EPSTI1: variants seen among roughly 807,000 people sequenced by gnomAD.
EPSTI1 encodes epithelial-stromal interaction protein 1.
A neutral mutation model predicts 49.9 loss-of-function variants in EPSTI1; 66 were observed. That is an observed-to-expected ratio of 1.32 (90% CI 1.08 to 1.62). The LOEUF (loss-of-function observed/expected upper bound fraction) is 1.62. Among genes scored for constraint, EPSTI1 ranks in the 40% most tolerant of loss-of-function variants. The pLI, the probability that EPSTI1 is intolerant of heterozygous loss-of-function variation, is 0.00. For synonymous variants in EPSTI1, 137 were observed against 130.7 expected, an observed-to-expected ratio of 1.05 and a Z score of -0.33; for missense variants, 394 against 365.5, an observed-to-expected ratio of 1.08 and a Z score of -0.64.
chr13:42,927,900 G>C (rs1176206465), intron 6 of EPSTI1, among the ~76,000 whole-genome samples: 1 of 152,206 alleles, frequency 6.6e-6, no homozygotes, highest in Non-Finnish European at 1.5e-5. Flanking sequence ...GTTTGGATGA[G>C]ATCTCTGAAT....
intron 1 of EPSTI1, among the ~76,000 whole-genome samples, chr13:42,984,415 G>C (rs956479599): frequency 1.3e-5 from 2 of 152,174 alleles, no homozygotes; most frequent in Non-Finnish European, 2.9e-5. Context: ...TAATAAGTTT[G>C]TTAAAACTTG....
At chr13:42,991,767 G>A (rs990320359) in intron 1 of EPSTI1, among the ~76,000 whole-genome samples, 1 of 152,174 alleles carries the variant, frequency 6.6e-6, no homozygotes, top group African/African-American at 2.4e-5. Context: ...GAAGGAACCG[G>A]GCTGGTTATT....
rs71202243 is a variant in EPSTI1 at position 42,917,642 on chromosome 13, G to GAAAAAAAAA, written c.658-27_658-19dup. 85 of 426,476 alleles carry GAAAAAAAAA rather than the reference G, an allele frequency of 2.0e-4. No homozygotes were observed. Among genetic ancestry groups the GAAAAAAAAA allele is most frequent in the South Asian group, 4.8e-4 (20 of 41,860 alleles). 26.4% of individuals were successfully genotyped at this position (426,476 alleles called of 1,614,324 possible). A position where few individuals can be genotyped will look rare whatever the true frequency, so the allele number is the denominator to read the frequency against. ...CTTCTGGCCTGTAAAGGTACAAAGA[G>GAAAAAAAAA]AAAAAAAAAAAAAAAAACAACTTGA... On this transcript the variant is annotated intron_variant, in intron 7 of 10. Transcript: ENST00000313624.
Position 42,991,965 on chromosome 13 carries a change from T to C in EPSTI1, c.188+13A>G. 6.2e-7 allele frequency: 1 copy of C among 1,611,258 alleles called. No homozygotes were observed. The highest frequency in any genetic ancestry group is 8.5e-7 in the Non-Finnish European group (1 of 1,179,270). On this transcript the variant is annotated intron_variant, in intron 1 of 10. Transcript: ENST00000313624. Reference sequence around the variant, plus strand: ...GGGCTCCCGCCCCGAAGCCAGGTTGTTAAAATACTCACCGCCTCTGGCCCG... The same window carrying C: ...GGGCTCCCGCCCCGAAGCCAGGTTGCTAAAATACTCACCGCCTCTGGCCCG...
intron 1 of EPSTI1, among the ~76,000 whole-genome samples, chr13:42,984,660 T>G (rs1313967394): frequency 6.6e-6 from 1 of 152,264 alleles, no homozygotes; most frequent in Non-Finnish European, 1.5e-5. Flanking sequence ...AACAATGCTT[T>G]TTAAGGAGAA....
At chr13:42,907,706 T>C (rs551701269) in intron 8 of EPSTI1, among the ~76,000 whole-genome samples, 1 of 152,236 alleles carries the variant, frequency 6.6e-6, no homozygotes, top group Non-Finnish European at 1.5e-5. Flanking sequence ...TCAGTTGAAA[T>C]TTAGAAACAG....
chr13:42,989,290 C>T (rs972394637), intron 1 of EPSTI1, among the ~76,000 whole-genome samples: 2 of 151,966 alleles, frequency 1.3e-5, no homozygotes, highest in Admixed American at 6.6e-5. Flanking sequence ...AATTAAAACC[C>T]TATGAAGTTG....
chr13:42,941,118 T>C (rs976213550), intron 6 of EPSTI1, among the ~76,000 whole-genome samples: 1 of 152,186 alleles, frequency 6.6e-6, no homozygotes, highest in Non-Finnish European at 1.5e-5. Context: ...TGTATATTGC[T>C]TAAAAAGGAG....
chr13:42,969,288 A>G, intron 2 of EPSTI1, 111 bp from the exon 3 acceptor site: 1 of 1,020,318 alleles, frequency 9.8e-7, no homozygotes. Flanking sequence ...ATATGTGAGC[A>G]TGAGTGAACA....
chr13:42,893,551 C>T (rs1015279400), intron 10 of EPSTI1, among the ~76,000 whole-genome samples: 1 of 152,178 alleles, frequency 6.6e-6, no homozygotes, highest in African/African-American at 2.4e-5. Context: ...AAACAATGCT[C>T]CTCTCTTTGA....
At position 42,964,334 on chromosome 13, in the gene EPSTI1, GA is replaced by G. The variant is rs1189134013; in HGVS notation, c.332-196del. ...ATCACTTAGAAGAAAGAGCTGGATA[GA>G]AAGAGGAGACCATATTTTTAAAACA... On this transcript the variant is annotated intron_variant, in intron 3 of 10. Transcript: ENST00000313624. 2.0e-5 allele frequency among the ~76,000 whole-genome samples: 3 copies of G among 152,066 alleles called. No individual in the cohort carries two copies. In the East Asian group the frequency reaches 5.8e-4, roughly 29 times the overall value.
chr13:42,889,229 A>C (rs1216631855), intron 10 of EPSTI1: 1 of 1,566,986 alleles, frequency 6.4e-7, no homozygotes, highest in Non-Finnish European at 8.6e-7. Flanking sequence ...CCTCGAAAAA[A>C]CTAATAGAGA....
At chr13:42,963,999 C>T in intron 4 of EPSTI1, 67 bp downstream of exon 4, 2 of 1,356,136 alleles carry the variant, frequency 1.5e-6, no homozygotes, top group Non-Finnish European at 2.1e-6. Context: ...TGTTATTTCA[C>T]AGTTACTTGT....
intron 1 of EPSTI1, among the ~76,000 whole-genome samples, chr13:42,990,211 TAACTA>T (rs1308716736): frequency 6.7e-6 from 1 of 150,186 alleles, no homozygotes; most frequent in Non-Finnish European, 1.5e-5. Context: ...CTGTGAGAGA[TAACTA>T]AACACTTCCT....
chr13:42,959,543 G>T (rs2039379466), intron 5 of EPSTI1, among the ~76,000 whole-genome samples: 1 of 152,166 alleles, frequency 6.6e-6, no homozygotes. Flanking sequence ...CCCTTAACAT[G>T]TACCTGTATG....
At chr13:42,895,996 G>A (rs990324774) in intron 9 of EPSTI1, among the ~76,000 whole-genome samples, 1 of 152,192 alleles carries the variant, frequency 6.6e-6, no homozygotes, top group Non-Finnish European at 1.5e-5. Context: ...ATGTGGTCAT[G>A]GTGAGTGGCT....
intron 1 of EPSTI1, among the ~76,000 whole-genome samples, chr13:42,982,828 A>G (rs1307690319): frequency 6.6e-6 from 1 of 152,222 alleles, no homozygotes; most frequent in Non-Finnish European, 1.5e-5. Flanking sequence ...AAGGTAGGTC[A>G]TAATATCCTC....
At chr13:42,891,889 T>G (rs1405944351) in intron 10 of EPSTI1, among the ~76,000 whole-genome samples, 1 of 152,152 alleles carries the variant, frequency 6.6e-6, no homozygotes, top group African/African-American at 2.4e-5. Context: ...GAAATTATGT[T>G]TTAAAAGTAT....
intron 7 of EPSTI1, among the ~76,000 whole-genome samples, chr13:42,924,320 A>G (rs971662300): frequency 1.3e-5 from 2 of 152,258 alleles, no homozygotes; most frequent in Non-Finnish European, 2.9e-5. Context: ...TTCTATTAAT[A>G]GCTCTGAGGA....
Sources: gnomAD v4.1 joint callset for allele counts (sites outside exome capture counted in the v4.1 genomes callset) on GRCh38, gnomAD v4.1.1 for gene constraint, MANE v1.5 for transcripts, NCBI Gene and HGNC (gene_info 2026-07-23, HGNC 2026-07-21) for gene names.